CSMD1: variants seen among roughly 807,000 people sequenced by gnomAD.
The protein encoded by CSMD1 is CUB and sushi domain-containing protein 1.
In CSMD1, 213 loss-of-function variants were observed where a neutral mutation model predicts 417.5. That is an observed-to-expected ratio of 0.51 (90% confidence interval 0.46 to 0.57). The LOEUF (loss-of-function observed/expected upper bound fraction) is 0.57, where lower values mean the gene tolerates loss of function less well. Among genes scored for constraint, CSMD1 ranks in the 20% least tolerant of loss-of-function variants. The pLI is 0.00. For missense variants in CSMD1, 6,923 were observed against 4,529.7 expected (o/e 1.53, Z -15.17); for synonymous variants, 2,862 against 1,736.8 (o/e 1.65, Z -16.11).
Position 4,122,244 on chromosome 8 carries a change from G to C in CSMD1, c.416-90145C>G, listed in dbSNP as rs1802526032. 2.6e-5 allele frequency among the ~76,000 whole-genome samples: 4 copies of C among 152,084 alleles called. No individual in the cohort carries two copies. The South Asian group carries it at 6.2e-4, about 24-fold the overall frequency. Reference sequence around the variant, plus strand: ...GACTTTTGTGAGGGAAGTGCAGTTGGTTTGACTTCGTACATTTCTTAAGAC... The same window carrying C: ...GACTTTTGTGAGGGAAGTGCAGTTGCTTTGACTTCGTACATTTCTTAAGAC... On this transcript the variant is annotated intron_variant, in intron 3 of 69. Coordinates refer to ENST00000635120, the MANE Select transcript of CSMD1 (RefSeq NM_033225.6).
At chr8:4,640,804 T>C (rs192439101) in intron 1 of CSMD1, among the ~76,000 whole-genome samples, 81 of 151,206 alleles carry the variant, frequency 5.4e-4, no homozygotes, top group Non-Finnish European at 9.7e-4. Flanking sequence ...GTGATAATTG[T>C]AATGTTTTAG....
At chr8:4,025,852 A>T (rs1041830399) in intron 4 of CSMD1, among the ~76,000 whole-genome samples, 11 of 152,188 alleles carry the variant, frequency 7.2e-5, no homozygotes, top group African/African-American at 2.7e-4. Flanking sequence ...ATATACAGTT[A>T]TACCTTTTTC....
chr8:4,147,276 G>T (rs976838179), intron 3 of CSMD1, among the ~76,000 whole-genome samples: 1 of 152,028 alleles, frequency 6.6e-6, no homozygotes, highest in African/African-American at 2.4e-5. Context: ...CCTCACCTGC[G>T]TAATTCCATA....
intron 25 of CSMD1, among the ~76,000 whole-genome samples, chr8:3,296,278 C>T (rs1199744503): frequency 6.6e-6 from 1 of 151,532 alleles, no homozygotes; most frequent in African/African-American, 2.4e-5. Flanking sequence ...CGTAAGAATT[C>T]AGCCAAGCAG....
intron 3 of CSMD1, among the ~76,000 whole-genome samples, chr8:4,330,602 A>AG (rs1799814050): frequency 6.6e-6 from 1 of 151,480 alleles, no homozygotes; most frequent in South Asian, 2.1e-4. Flanking sequence ...AAAAAAAAAA[A>AG]GTATTTTGTA....
At chr8:4,806,410 CATA>C (rs1309923030) in intron 1 of CSMD1, among the ~76,000 whole-genome samples, 5 of 152,114 alleles carry the variant, frequency 3.3e-5, no homozygotes, top group Non-Finnish European at 7.4e-5. Flanking sequence ...AGTTCTTTGC[CATA>C]AAAGTCCCCT....
At chr8:3,609,874 A>C (rs2469334) in intron 8 of CSMD1, among the ~76,000 whole-genome samples, 2 of 137,650 alleles carry the variant, frequency 1.5e-5, no homozygotes, top group African/African-American at 2.7e-5. Flanking sequence ...GCTGAAGTGA[A>C]GTGGTGCGAT....
chr8:4,146,802 G>C (rs925511512), intron 3 of CSMD1, among the ~76,000 whole-genome samples: 3 of 149,100 alleles, frequency 2.0e-5, no homozygotes, highest in African/African-American at 7.7e-5. Flanking sequence ...TAGTAGAGAC[G>C]AGTTTCACCG....
intron 5 of CSMD1, among the ~76,000 whole-genome samples, chr8:3,953,771 T>G (rs1008529598): frequency 6.6e-6 from 1 of 151,902 alleles, no homozygotes; most frequent in African/African-American, 2.4e-5. Context: ...CAGCTGAGCT[T>G]ATCCACAAGC....
intron 5 of CSMD1, among the ~76,000 whole-genome samples, chr8:3,801,606 A>G (rs1474742983): frequency 6.6e-6 from 1 of 150,858 alleles, no homozygotes; most frequent in Non-Finnish European, 1.5e-5. Flanking sequence ...GTGAGTAAAG[A>G]ATTCCACTCC....
chr8:3,604,136 A>G (rs1230611323), intron 8 of CSMD1, among the ~76,000 whole-genome samples: 3 of 152,236 alleles, frequency 2.0e-5, no homozygotes, highest in Admixed American at 1.3e-4. Context: ...ATGATAGTGA[A>G]TAAAACAAAG....
intron 2 of CSMD1, among the ~76,000 whole-genome samples, chr8:4,585,861 G>A (rs1799674168): frequency 6.6e-6 from 1 of 152,144 alleles, no homozygotes; most frequent in African/African-American, 2.4e-5. Context: ...TTAGATGAAA[G>A]CATGCAGGTA....
rs77100591 is a variant in CSMD1 at position 4,672,319 on chromosome 8, C to T, written c.86-34761G>A. On this transcript the variant is annotated intron_variant, in intron 1 of 69. Transcript: ENST00000635120. ...ACTTCTCTAGAACTTCATTTCTCAA[C>T]CTAGGGTAAAAGGTGAGATGGGTTG... 9.2e-3 allele frequency among the ~76,000 whole-genome samples: 1,401 copies of T among 152,222 alleles called. 17 individuals carry two copies. The highest frequency in any genetic ancestry group is 0.032 in the African/African-American group (1,348 of 41,514).
chr8:4,053,629 T>C (rs189518102), intron 3 of CSMD1, among the ~76,000 whole-genome samples: 147 of 152,266 alleles, frequency 9.7e-4, no homozygotes, highest in African/African-American at 3.4e-3. Context: ...CAGATTTCAT[T>C]TGTCTTGCAT....
At chr8:4,454,714 C>A (rs573418823) in intron 2 of CSMD1, among the ~76,000 whole-genome samples, 28 of 152,148 alleles carry the variant, frequency 1.8e-4, no homozygotes, top group Non-Finnish European at 3.4e-4. Context: ...CTGAAACTTT[C>A]GGTAAGTAAA....
At chr8:3,409,141 T>G (rs1016712278) in intron 13 of CSMD1, among the ~76,000 whole-genome samples, 5 of 152,200 alleles carry the variant, frequency 3.3e-5, no homozygotes, top group Non-Finnish European at 5.9e-5. Flanking sequence ...TCACTGGCTT[T>G]TGATGGAAAC....
chr8:4,516,307 G>C (rs1170971882), intron 2 of CSMD1, among the ~76,000 whole-genome samples: 1 of 152,100 alleles, frequency 6.6e-6, no homozygotes, highest in African/African-American at 2.4e-5. Context: ...CGTGATCTTG[G>C]ACTTCTCGAT....
intron 7 of CSMD1, among the ~76,000 whole-genome samples, chr8:3,690,722 C>A (rs1000501687): frequency 6.6e-6 from 1 of 152,054 alleles, no homozygotes; most frequent in African/African-American, 2.4e-5. Flanking sequence ...TACATCTTTG[C>A]CACAGTTTGT....
chr8:4,977,818 A>G (rs938382550), intron 1 of CSMD1, among the ~76,000 whole-genome samples: 5 of 152,244 alleles, frequency 3.3e-5, no homozygotes, highest in Admixed American at 1.3e-4. Context: ...CTTTTACTGA[A>G]TAAGTATAGG....
Sources: gnomAD v4.1 joint callset for allele counts (sites outside exome capture counted in the v4.1 genomes callset) on GRCh38, gnomAD v4.1.1 for gene constraint, MANE v1.5 for transcripts, NCBI Gene and HGNC (gene_info 2026-07-23, HGNC 2026-07-21) for gene names.